BPIFC: variants seen among roughly 807,000 people sequenced by gnomAD.
BPIFC encodes BPI fold-containing family C protein.
BPIFC carries 60 observed loss-of-function variants against 57.6 expected under a neutral mutation model. The observed-to-expected ratio is 1.04, with a 90% CI of 0.85 to 1.29. The LOEUF (loss-of-function observed/expected upper bound fraction) is 1.29, where lower values mean the gene tolerates loss of function less well. Ranked by LOEUF, BPIFC falls within the 50% of genes most tolerant of loss-of-function variation. The pLI, the probability that BPIFC is intolerant of heterozygous loss-of-function variation, is 0.00. For missense variants in BPIFC, 581 were observed against 600.5 expected, an observed-to-expected ratio of 0.97 and a Z score of 0.34; for synonymous variants, 243 against 224.5, an observed-to-expected ratio of 1.08 and a Z score of -0.74.
chr22:32,431,439 A>ATTTATTTATTTATTTTTATTTT, intron 12 of BPIFC, 25 bp from the exon 13 acceptor site: 22 of 1,343,048 alleles, frequency 1.6e-5, no homozygotes, highest in Non-Finnish European at 2.2e-5. Flanking sequence ...AGCATTTATT[A>ATTTATTTATTTATTTTTATTTT]TTAAGACGAG....
At chr22:32,414,934 C>T (rs1362087671) in intron 16 of BPIFC, among the ~76,000 whole-genome samples, 1 of 152,148 alleles carries the variant, frequency 6.6e-6, no homozygotes, top group African/African-American at 2.4e-5. Flanking sequence ...ATTGTAGAAG[C>T]AGTGGGGGAG....
intron 4 of BPIFC, among the ~76,000 whole-genome samples, chr22:32,452,486 A>G (rs1276423871): frequency 6.6e-6 from 1 of 151,866 alleles, no homozygotes; most frequent in Non-Finnish European, 1.5e-5. Context: ...AATACAAAAA[A>G]AAATTAGCCG....
chr22:32,428,871 C>A (rs574175739), intron 13 of BPIFC, among the ~76,000 whole-genome samples: 31 of 152,158 alleles, frequency 2.0e-4, no homozygotes, highest in African/African-American at 6.5e-4. Context: ...TGCACTCCAG[C>A]CTGGGTGACA....
At chr22:32,419,504 T>G in intron 13 of BPIFC, 100 bp from the exon 14 acceptor site, 1 of 1,242,386 alleles carries the variant, frequency 8.0e-7, no homozygotes, top group Middle Eastern at 2.0e-4. Flanking sequence ...AAGTCACTAT[T>G]TAAAAAAAAA....
At chr22:32,446,028 TGA>T (rs1375088169) in intron 5 of BPIFC, 32 bp from the exon 6 acceptor site, 1 of 1,609,368 alleles carries the variant, frequency 6.2e-7, no homozygotes, top group East Asian at 2.2e-5. Flanking sequence ...TATCCAAGCC[TGA>T]GTCAGGCACA....
At chr22:32,453,628 C>A in intron 3 of BPIFC, 125 bp from the exon 4 acceptor site, 4 of 1,218,212 alleles carry the variant, frequency 3.3e-6, no homozygotes, top group Non-Finnish European at 4.3e-6. Flanking sequence ...AATGGCAACC[C>A]CACAAAGTGG....
At chr22:32,433,831 G>A (rs1934314056) in intron 10 of BPIFC, 59 bp from the exon 11 acceptor site, 1 of 1,415,776 alleles carries the variant, frequency 7.1e-7, no homozygotes, top group African/African-American at 1.4e-5. Context: ...TCTTTTCAGG[G>A]AAAATGTAGT....
intron 10 of BPIFC, 145 bp from the exon 11 acceptor site, chr22:32,433,917 A>G: frequency 1.4e-6 from 1 of 733,250 alleles, no homozygotes. Flanking sequence ...CTATCATTTT[A>G]TAGCCCAATC....
chr22:32,439,878 G>A (rs940377458), intron 8 of BPIFC, among the ~76,000 whole-genome samples: 1 of 152,160 alleles, frequency 6.6e-6, no homozygotes, highest in Non-Finnish European at 1.5e-5. Flanking sequence ...GCTTCCCAAA[G>A]TGCTGGGATT....
chr22:32,421,160 A>G (rs5749432), intron 13 of BPIFC, among the ~76,000 whole-genome samples: 92,519 of 152,062 alleles, frequency 0.61, 29,404 homozygotes, highest in African/African-American at 0.82. Context: ...GGGAATTTTC[A>G]TAAGAAAACT....
intron 4 of BPIFC, among the ~76,000 whole-genome samples, chr22:32,450,826 T>C (rs1225698629): frequency 6.6e-6 from 1 of 152,096 alleles, no homozygotes; most frequent in Non-Finnish European, 1.5e-5. Flanking sequence ...TATTCCAAAA[T>C]TCAAAACAAT....
chr22:32,438,053 A>G (rs1212350638), intron 8 of BPIFC, among the ~76,000 whole-genome samples: 1 of 152,228 alleles, frequency 6.6e-6, no homozygotes, highest in Admixed American at 6.5e-5. Context: ...CATTTTTTCC[A>G]AGTGTATTAC....
chr22:32,423,577 G>GGGGTGTGTGTGTGTGTGT (rs1556036074), intron 13 of BPIFC, among the ~76,000 whole-genome samples: 51 of 143,262 alleles, frequency 3.6e-4, no homozygotes, highest in African/African-American at 1.4e-3. Context: ...GTAGGGTGTG[G>GGGGTGTGTGTGTGTGTGT]GTGTGTGTGT....
intron 8 of BPIFC, among the ~76,000 whole-genome samples, chr22:32,441,061 C>T (rs1231425981): frequency 6.6e-6 from 1 of 152,156 alleles, no homozygotes; most frequent in Non-Finnish European, 1.5e-5. Flanking sequence ...CCCTCTTCCC[C>T]ATCTCTGGCC....
rs1934754742 is a variant in BPIFC at position 32,447,247 on chromosome 22, G to A, written c.339C>T (p.Asn113=). The change falls in exon 5 of 17, where the codon AAC becomes AAT. Residue 113 remains asparagine (N), a synonymous_variant. Coordinates refer to ENST00000300399, the MANE Select transcript of BPIFC (RefSeq NM_174932.3). ...IKALTNHGTA[N]ISTDWGFESP... is the part of the protein sequence containing the mutation. ...ACTCGAACCCCCAGTCTGTGCTGAT[G>A]TTGGCAGTGCCATGGTTGGTTAGCG... 2 of 1,614,026 alleles carry A rather than the reference G, an allele frequency of 1.2e-6. No individual in the cohort carries two copies. The highest frequency in any genetic ancestry group is 1.7e-6 in the Non-Finnish European group (2 of 1,179,944).
At chr22:32,447,608 T>C (rs1352723327) in intron 4 of BPIFC, among the ~76,000 whole-genome samples, 1 of 50,900 alleles carries the variant, frequency 2.0e-5, no homozygotes, top group Non-Finnish European at 4.3e-5. Flanking sequence ...TCTCGCTCTC[T>C]TTTTTTTTTT....
intron 14 of BPIFC, among the ~76,000 whole-genome samples, chr22:32,417,803 C>T (rs965407961): frequency 6.6e-6 from 1 of 152,122 alleles, no homozygotes; most frequent in Non-Finnish European, 1.5e-5. Context: ...ACAGGAGTTC[C>T]CTTGTGTTAC....
chr22:32,454,444 T>C (rs990887863), intron 3 of BPIFC, among the ~76,000 whole-genome samples: 2 of 152,212 alleles, frequency 1.3e-5, no homozygotes, highest in East Asian at 3.8e-4. Flanking sequence ...CGACTGCTTT[T>C]GTTTCATCCT....
At chr22:32,457,198 T>C in intron 3 of BPIFC, 65 bp downstream of exon 3, 1 of 1,542,874 alleles carries the variant, frequency 6.5e-7, no homozygotes. Context: ...TATGAGCTGT[T>C]CAGTTTGGGT....
Sources: gnomAD v4.1 joint callset for allele counts (sites outside exome capture counted in the v4.1 genomes callset) on GRCh38, gnomAD v4.1.1 for gene constraint, MANE v1.5 for transcripts, NCBI Gene and HGNC (gene_info 2026-07-23, HGNC 2026-07-21) for gene names.